The following TLE4 variants were observed in gnomAD, a reference collection of about 807,000 sequenced individuals.
TLE4 encodes the protein transducin-like enhancer protein 4.
A neutral mutation model predicts 92.8 loss-of-function variants in TLE4; 8 were observed. The observed-to-expected ratio is 0.09, with a 90% CI of 0.05 to 0.16. The LOEUF is 0.16. Ranked by LOEUF, TLE4 falls within the 10% of genes least tolerant of loss-of-function variation. The probability of loss-of-function intolerance (pLI) is 1.00; values close to 1 mark genes in which losing one functional copy is unlikely to be tolerated. For synonymous variants in TLE4, 371 were observed against 374.1 expected, an observed-to-expected ratio of 0.99 and a Z score of 0.10; for missense variants, 675 against 997.6, an observed-to-expected ratio of 0.68 and a Z score of 4.36.
At position 79,652,664 on chromosome 9, in the gene TLE4, G is replaced by A. The variant is rs1250968099; in HGVS notation, c.462G>A (p.Gly154=). The A allele has an allele frequency of 6.2e-7, 1 of 1,614,152 alleles. No individual in the cohort carries two copies. The highest frequency in any genetic ancestry group is 2.2e-5 in the East Asian group (1 of 44,870). ...LPVPLTPHPS[G]LQPPAIPPIG... is the part of the protein sequence containing the mutation. The stretch of plus-strand genomic sequence containing the variant: ...TACCTCTGACTCCACACCCTTCAGG[G>A]CTCCAGCCCCCTGCCATTCCACCCA... Residue 154 remains glycine (G), a synonymous_variant, in exon 7 of 20, where the codon GGG becomes GGA. Coordinates refer to ENST00000376552, the MANE Select transcript of TLE4 (RefSeq NM_007005.6).
At chr9:79,718,561 G>A (rs1418368330) in intron 14 of TLE4, among the ~76,000 whole-genome samples, 161 bp from the exon 15 acceptor site, 2 of 152,226 alleles carry the variant, frequency 1.3e-5, no homozygotes, top group East Asian at 3.8e-4. Flanking sequence ...CTAGCTGTAT[G>A]ATTCTGGAAA....
intron 8 of TLE4, among the ~76,000 whole-genome samples, chr9:79,683,453 T>C (rs1272606511): frequency 6.6e-6 from 1 of 152,202 alleles, no homozygotes; most frequent in African/African-American, 2.4e-5. Context: ...AGAGTTTACA[T>C]GGTACCTATG....
intron 5 of TLE4, among the ~76,000 whole-genome samples, chr9:79,618,331 C>T (rs2050138618): frequency 6.6e-6 from 1 of 152,192 alleles, no homozygotes; most frequent in African/African-American, 2.4e-5. Context: ...TAAAATAATG[C>T]ATAGTTCTTG....
At chr9:79,617,835 A>G (rs1298545106) in intron 5 of TLE4, among the ~76,000 whole-genome samples, 2 of 62,232 alleles carry the variant, frequency 3.2e-5, no homozygotes, top group Non-Finnish European at 6.1e-5. Context: ...TTTTTCAAGG[A>G]AAAAAAAAAA....
chr9:79,662,757 A>C (rs1432461281), intron 8 of TLE4, among the ~76,000 whole-genome samples: 1 of 152,208 alleles, frequency 6.6e-6, no homozygotes, highest in Non-Finnish European at 1.5e-5. Flanking sequence ...AACCCGTGCC[A>C]CAAAAGGGCT....
chr9:79,613,336 T>C (rs2048783915), intron 5 of TLE4, among the ~76,000 whole-genome samples: 1 of 152,076 alleles, frequency 6.6e-6, no homozygotes, highest in African/African-American at 2.4e-5. Context: ...TGCGGCTCAC[T>C]AGTTCTCTTG....
intron 8 of TLE4, among the ~76,000 whole-genome samples, chr9:79,698,576 T>C (rs947393266): frequency 3.9e-5 from 6 of 152,100 alleles, no homozygotes; most frequent in African/African-American, 1.4e-4. Context: ...GCAAGTTCTG[T>C]GAGAGTTTTA....
intron 10 of TLE4, among the ~76,000 whole-genome samples, 199 bp downstream of exon 10, chr9:79,706,141 C>G (rs1197546120): frequency 6.6e-6 from 1 of 152,088 alleles, no homozygotes; most frequent in Non-Finnish European, 1.5e-5. Flanking sequence ...AACTCCTACG[C>G]TAAAGTGATT....
intron 5 of TLE4, among the ~76,000 whole-genome samples, chr9:79,620,640 G>A (rs1049934217): frequency 2.0e-5 from 3 of 152,182 alleles, no homozygotes; most frequent in Non-Finnish European, 4.4e-5. Flanking sequence ...CTGTGTTTGT[G>A]TACGTGTATG....
In TLE4 at chr9:79,725,228, C is replaced by T; in HGVS notation, c.*84C>T. On this transcript the variant is annotated 3_prime_UTR_variant, in exon 20 of 20. Coordinates refer to ENST00000376552, the MANE Select transcript of TLE4 (RefSeq NM_007005.6). ...TTTTTGTTCACCCCCATCCCCGCAT[C>T]TAAAACCAAGGATTTCAGATACTCA... 1.1e-6 allele frequency: 1 copy of T among 943,116 alleles called. No homozygotes were observed. The highest frequency in any genetic ancestry group is 2.1e-5 in the Admixed American group (1 of 48,536). 58.4% of individuals were successfully genotyped at this position (943,116 alleles called of 1,614,324 possible). A position where few individuals can be genotyped will look rare whatever the true frequency, so the allele number is the denominator to read the frequency against.
chr9:79,586,352 ACT>A (rs1049772245), intron 4 of TLE4, among the ~76,000 whole-genome samples: 9 of 150,760 alleles, frequency 6.0e-5, no homozygotes, highest in Admixed American at 5.3e-4. Context: ...TCAGAGCAAG[ACT>A]CTGTCACAAA....
At position 79,725,017 on chromosome 9, in the gene TLE4, A is replaced by G. The variant is rs757573116; in HGVS notation, c.2215-20A>G. ...TTTCTTTCAGTATTTAACATTTTTGATTATATGTTTCTTTCCTAGTCCAAA... is the reference window on the plus strand; with the variant it reads ...TTTCTTTCAGTATTTAACATTTTTGGTTATATGTTTCTTTCCTAGTCCAAA... On this transcript the variant is annotated intron_variant, in intron 19 of 19. Transcript: ENST00000376552. The G allele has an allele frequency of 3.2e-6, 5 of 1,585,484 alleles. No homozygotes were observed. Among genetic ancestry groups the G allele is most frequent in the Non-Finnish European group, 4.3e-6 (5 of 1,154,570 alleles).
intron 8 of TLE4, among the ~76,000 whole-genome samples, chr9:79,681,846 GTGTGTGTGTGTGTGTGTA>G (rs1465707622): frequency 1.3e-5 from 2 of 149,234 alleles, no homozygotes; most frequent in Non-Finnish European, 3.0e-5. Flanking sequence ...GTGTGTGTGT[GTGTGTGTGTGTGTGTGTA>G]TGTGTGTGTG....
At chr9:79,598,218 C>T (rs2044575016) in intron 4 of TLE4, among the ~76,000 whole-genome samples, 1 of 145,822 alleles carries the variant, frequency 6.9e-6, no homozygotes, top group Admixed American at 7.0e-5. Context: ...CACTGCACTC[C>T]AGCCTGGGTG....
At chr9:79,662,790 G>A (rs1330942514) in intron 8 of TLE4, among the ~76,000 whole-genome samples, 1 of 152,222 alleles carries the variant, frequency 6.6e-6, no homozygotes, top group East Asian at 1.9e-4. Flanking sequence ...AAGGAGCAGA[G>A]TAAATTCTCA....
rs71364418 is a variant in TLE4, at chr9:79,588,135, C to CGTGTGTGTGTGTGTGTGTGTGT, written c.252+11965_252+11986dup. On this transcript the variant is annotated intron_variant, in intron 4 of 19. Coordinates refer to ENST00000376552, the MANE Select transcript of TLE4 (RefSeq NM_007005.6). ...TGGTAAACTTCTTTGTTTATCCTTG[C>CGTGTGTGTGTGTGTGTGTGTGT]GTGTGTGTGTGTGTGTGTGTGTGTG... 9.2e-3 allele frequency among the ~76,000 whole-genome samples: 1,352 copies of CGTGTGTGTGTGTGTGTGTGTGT among 146,778 alleles called. 11 individuals carry two copies. The highest frequency in any genetic ancestry group is 0.028 in the East Asian group (138 of 4,952).
At chr9:79,627,482 G>C in intron 6 of TLE4, 34 bp downstream of exon 6, 3 of 1,603,162 alleles carry the variant, frequency 1.9e-6, no homozygotes, top group Non-Finnish European at 1.7e-6. Flanking sequence ...TCTGATCTTA[G>C]TGTTTGTCAT....
intron 4 of TLE4, among the ~76,000 whole-genome samples, chr9:79,600,355 TG>T (rs968732859): frequency 1.8e-4 from 27 of 152,240 alleles, no homozygotes; most frequent in African/African-American, 6.3e-4. Context: ...AGTTTGTGGT[TG>T]GGGACTTGTT....
intron 4 of TLE4, among the ~76,000 whole-genome samples, chr9:79,598,549 A>C (rs76871307): frequency 0.014 from 2,101 of 152,262 alleles, 25 homozygotes; most frequent in Non-Finnish European, 0.018. Flanking sequence ...AGCATTTAAA[A>C]ATACCCTGCA....
Sources: allele counts gnomAD v4.1 joint callset (sites outside exome capture counted in the v4.1 genomes callset), GRCh38; gene constraint gnomAD v4.1.1; transcripts MANE v1.5; gene names NCBI Gene and HGNC (gene_info 2026-07-23, HGNC 2026-07-21).